LONRF2: variants seen among roughly 807,000 people sequenced by gnomAD.
The protein encoded by LONRF2 is LON peptidase N-terminal domain and RING finger protein 2.
LONRF2 carries 35 observed loss-of-function variants against 66.6 expected under a neutral mutation model. The observed-to-expected ratio is 0.53, with a 90% CI of 0.40 to 0.70. The LOEUF (loss-of-function observed/expected upper bound fraction) is 0.70. Among genes scored for constraint, LONRF2 ranks in the 30% least tolerant of loss-of-function variants. LONRF2 has a pLI of 0.00. For synonymous variants in LONRF2, 417 were observed against 418.1 expected (o/e 1.00, Z 0.03); for missense variants, 902 against 1,002.1 (o/e 0.90, Z 1.35).
intron 2 of LONRF2, among the ~76,000 whole-genome samples, chr2:100,306,717 T>C (rs933059336): frequency 6.6e-6 from 1 of 152,140 alleles, no homozygotes; most frequent in African/African-American, 2.4e-5. Context: ...GAAGTGCTTC[T>C]CAAAGTGCTT....
chr2:100,305,107 C>T (rs149601604), intron 2 of LONRF2, among the ~76,000 whole-genome samples: 24 of 152,286 alleles, frequency 1.6e-4, no homozygotes, highest in East Asian at 1.4e-3. Flanking sequence ...GGTACTTTCA[C>T]GTAGTGATCC....
intron 9 of LONRF2, among the ~76,000 whole-genome samples, chr2:100,291,232 G>A (rs1674954247): frequency 1.3e-5 from 2 of 152,072 alleles, no homozygotes; most frequent in South Asian, 4.1e-4. Context: ...CCAGAGTGCA[G>A]GTCTGGAGAG....
rs563428644 is a variant in LONRF2, at chr2:100,315,897, T to G, written c.679+5518A>C. 1.7e-3 allele frequency among the ~76,000 whole-genome samples: 257 copies of G among 152,320 alleles called. 1 individual carries two copies. Among genetic ancestry groups the G allele is most frequent in the Non-Finnish European group, 3.0e-3 (206 of 68,022 alleles). Reference sequence around the variant, plus strand: ...TTCCTAGCATCTTGAAATGGAAGCCTAAAGATCACTGACTATCAGCTGTTC... The same window carrying G: ...TTCCTAGCATCTTGAAATGGAAGCCGAAAGATCACTGACTATCAGCTGTTC... On this transcript the variant is annotated intron_variant, in intron 1 of 11. Transcript: ENST00000393437.
chr2:100,303,717 T>G (rs966125961), intron 2 of LONRF2, among the ~76,000 whole-genome samples: 1 of 152,174 alleles, frequency 6.6e-6, no homozygotes, highest in African/African-American at 2.4e-5. Flanking sequence ...TCATTCTCAT[T>G]CCATGTCATT....
chr2:100,309,319 A>G (rs1559181493), intron 1 of LONRF2, 94 bp from the exon 2 acceptor site: 2 of 664,836 alleles, frequency 3.0e-6, no homozygotes, highest in Non-Finnish European at 5.1e-6. Flanking sequence ...GTATATATAC[A>G]TATGTATAAA....
chr2:100,290,171 A>G (rs1674929746), intron 10 of LONRF2, 87 bp downstream of exon 10: 1 of 1,234,602 alleles, frequency 8.1e-7, no homozygotes. Context: ...TAATATTGTC[A>G]GTACAAGTTT....
In LONRF2 at chr2:100,272,879, T is replaced by C. The variant is rs1005541686; in HGVS notation, c.*11419A>G. On this transcript the variant is annotated 3_prime_UTR_variant, in exon 12 of 12. Transcript: ENST00000393437. ...AGCCATTGGCAGCCCTCTTTCCTTTTTTTTCCTACTAAAATTAAATTGGAA... is the reference window on the plus strand; with the variant it reads ...AGCCATTGGCAGCCCTCTTTCCTTTCTTTTCCTACTAAAATTAAATTGGAA... Among the ~76,000 whole-genome samples the C allele has an allele frequency of 6.6e-6, 1 of 152,238 alleles. No individual in the cohort carries two copies. The highest frequency in any genetic ancestry group is 2.4e-5 in the African/African-American group (1 of 41,468).
intron 6 of LONRF2, 69 bp downstream of exon 6, chr2:100,299,157 T>G: frequency 8.5e-7 from 1 of 1,174,352 alleles, no homozygotes; most frequent in Non-Finnish European, 1.2e-6. Flanking sequence ...AAAAGCCCAT[T>G]ACACTTTGGT....
Position 100,276,935 on chromosome 2 carries a change from T to G in LONRF2, c.*7363A>C, listed in dbSNP as rs187199606. The G allele has an allele frequency of 6.6e-6, 1 of 152,346 alleles. No homozygotes were observed. The highest frequency in any genetic ancestry group is 1.9e-4 in the East Asian group (1 of 5,184). The allele number at this position is 152,346 out of a possible 1,614,324, so 9.4% of individuals were successfully genotyped here. The stretch of plus-strand genomic sequence containing the variant: ...GTCTGCAGACAGGGTCTTCACCACA[T>G]CCGCCTTCTCCAGGAGCACAAATGA... On this transcript the variant is annotated 3_prime_UTR_variant, in exon 12 of 12. Coordinates refer to ENST00000393437, the MANE Select transcript of LONRF2 (RefSeq NM_198461.4).
chr2:100,286,855 T>C lies in LONRF2; in HGVS notation c.2070+59A>G. 7 of 1,548,074 alleles carry C rather than the reference T, an allele frequency of 4.5e-6. No homozygotes were observed. In the South Asian group the frequency reaches 7.6e-5, roughly 17 times the overall value. ...ACTGCCAAGCTCTCCACCAGAATGA[T>C]GGCTCAGCACACTACAGCAGGAAGT... On this transcript the variant is annotated intron_variant, in intron 11 of 11. Coordinates refer to ENST00000393437, the MANE Select transcript of LONRF2 (RefSeq NM_198461.4).
intron 10 of LONRF2, among the ~76,000 whole-genome samples, chr2:100,287,555 T>C (rs1674872589): frequency 1.3e-5 from 2 of 152,192 alleles, no homozygotes; most frequent in Admixed American, 6.5e-5. Flanking sequence ...ATTTTAAAAA[T>C]TGTATTCCAT....
intron 7 of LONRF2, 56 bp downstream of exon 7, chr2:100,298,780 C>T (rs910725332): frequency 9.3e-6 from 12 of 1,293,626 alleles, no homozygotes; most frequent in Non-Finnish European, 1.3e-5. Flanking sequence ...AGGGAGTAAG[C>T]GTCCACCAAG....
Position 100,276,483 on chromosome 2 carries a change from T to C in LONRF2, c.*7815A>G, listed in dbSNP as rs1013134502. Reference sequence around the variant, plus strand: ...ATAAATTAAAATTAAAGTCAGTCTTTGGCAGTTATAAACTAGCTTGATAAA... The same window carrying C: ...ATAAATTAAAATTAAAGTCAGTCTTCGGCAGTTATAAACTAGCTTGATAAA... On this transcript the variant is annotated 3_prime_UTR_variant, in exon 12 of 12. Coordinates refer to ENST00000393437, the MANE Select transcript of LONRF2 (RefSeq NM_198461.4). 6.6e-6 allele frequency: 1 copy of C among 152,198 alleles called. No individual in the cohort carries two copies. The highest frequency in any genetic ancestry group is 2.4e-5 in the African/African-American group (1 of 41,426). 9.4% of individuals were successfully genotyped at this position (152,198 alleles called of 1,614,324 possible).
At chr2:100,318,340 A>G (rs1022075044) in intron 1 of LONRF2, among the ~76,000 whole-genome samples, 15 of 152,274 alleles carry the variant, frequency 9.9e-5, no homozygotes, top group African/African-American at 3.6e-4. Context: ...TTATATTTTC[A>G]TACATTTATT....
chr2:100,313,200 C>T (rs914335558), intron 1 of LONRF2, among the ~76,000 whole-genome samples: 1 of 152,118 alleles, frequency 6.6e-6, no homozygotes, highest in Non-Finnish European at 1.5e-5. Flanking sequence ...TGTTATTTTA[C>T]ACAAGTTAAA....
At position 100,278,232 on chromosome 2, in the gene LONRF2, A is replaced by G. The variant is rs1453133726; in HGVS notation, c.*6066T>C. Reference sequence around the variant, plus strand: ...CACAAACTTTAAAAAACATTACCATAGTCCCCTTTAAACATAAAAAGAGGG... The same window carrying G: ...CACAAACTTTAAAAAACATTACCATGGTCCCCTTTAAACATAAAAAGAGGG... On this transcript the variant is annotated 3_prime_UTR_variant, in exon 12 of 12. Coordinates refer to ENST00000393437, the MANE Select transcript of LONRF2 (RefSeq NM_198461.4). 2.6e-5 allele frequency: 4 copies of G among 152,284 alleles called. No individual in the cohort carries two copies. In the East Asian group the frequency reaches 7.7e-4, roughly 29 times the overall value. 9.4% of individuals were successfully genotyped at this position (152,284 alleles called of 1,614,324 possible).
intron 1 of LONRF2, among the ~76,000 whole-genome samples, chr2:100,310,009 A>C (rs1172933199): frequency 6.6e-6 from 1 of 152,060 alleles, no homozygotes; most frequent in Non-Finnish European, 1.5e-5. Context: ...GTAGATGTTG[A>C]TTTGTCCCCA....
chr2:100,297,668 G>A (rs1435333638), intron 7 of LONRF2, among the ~76,000 whole-genome samples: 1 of 152,170 alleles, frequency 6.6e-6, no homozygotes, highest in Admixed American at 6.5e-5. Flanking sequence ...AATGCCCAGA[G>A]GAAAACTGCA....
chr2:100,300,531 T>C (rs1266639155), intron 4 of LONRF2, 113 bp downstream of exon 4: 6 of 1,045,654 alleles, frequency 5.7e-6, no homozygotes, highest in Non-Finnish European at 5.3e-6. Flanking sequence ...TCTTGAGAAA[T>C]ATGTCTAACT....
Sources: gnomAD v4.1 joint callset for allele counts (sites outside exome capture counted in the v4.1 genomes callset) on GRCh38, gnomAD v4.1.1 for gene constraint, MANE v1.5 for transcripts, NCBI Gene and HGNC (gene_info 2026-07-23, HGNC 2026-07-21) for gene names.